VPS8: variants seen among roughly 807,000 people sequenced by gnomAD.
The protein encoded by VPS8 is VPS8 subunit of CORVET complex.
A neutral mutation model predicts 216.4 loss-of-function variants in VPS8; 129 were observed. The observed-to-expected ratio is 0.60, with a 90% CI of 0.52 to 0.69. The LOEUF (loss-of-function observed/expected upper bound fraction) is 0.69. VPS8 is among the 30% of genes least tolerant of loss of function. The pLI, the probability that VPS8 is intolerant of heterozygous loss-of-function variation, is 0.00. For synonymous variants in VPS8, 571 were observed against 565.4 expected (o/e 1.01, Z -0.14); for missense variants, 1,531 against 1,683.5 (o/e 0.91, Z 1.59).
intron 1 of VPS8, among the ~76,000 whole-genome samples, chr3:184,821,193 C>G (rs1395396251): frequency 1.3e-5 from 2 of 152,082 alleles, no homozygotes; most frequent in East Asian, 3.8e-4. Flanking sequence ...TTATAAGAGC[C>G]AGGACTCTCA....
intron 36 of VPS8, among the ~76,000 whole-genome samples, chr3:184,947,851 G>A (rs991628682): frequency 1.3e-5 from 2 of 152,098 alleles, no homozygotes; most frequent in Non-Finnish European, 2.9e-5. Context: ...ATCAAGTTGT[G>A]TAACTTTAGC....
At chr3:185,029,446 G>C (rs1207617371) in intron 46 of VPS8, among the ~76,000 whole-genome samples, 1 of 152,182 alleles carries the variant, frequency 6.6e-6, no homozygotes, top group Non-Finnish European at 1.5e-5. Flanking sequence ...TGTTCTGTAG[G>C]ACTCAGCTAA....
intron 46 of VPS8, among the ~76,000 whole-genome samples, chr3:185,041,672 C>G (rs912503283): frequency 1.3e-5 from 2 of 152,190 alleles, no homozygotes; most frequent in African/African-American, 2.4e-5. Flanking sequence ...ATTAAAAGAA[C>G]TCAGTAGGCC....
chr3:184,905,618 C>CTT (rs59430187), intron 25 of VPS8, among the ~76,000 whole-genome samples: 6 of 125,650 alleles, frequency 4.8e-5, no homozygotes, highest in Non-Finnish European at 8.6e-5. Flanking sequence ...AAGCTCAGCT[C>CTT]TTTTTTTTTT....
intron 39 of VPS8, 60 bp downstream of exon 39, chr3:184,966,773 G>A: frequency 7.8e-7 from 1 of 1,289,176 alleles, no homozygotes; most frequent in East Asian, 2.4e-5. Context: ...TTTAAAAGAT[G>A]TTTAATAAAT....
At chr3:184,877,305 A>G (rs1729440219) in intron 21 of VPS8, among the ~76,000 whole-genome samples, 1 of 152,190 alleles carries the variant, frequency 6.6e-6, no homozygotes, top group Non-Finnish European at 1.5e-5. Flanking sequence ...GACCTGTGTA[A>G]GTTTAGGAAC....
rs370365768 is a variant in VPS8, at chr3:184,843,227, A to G, written c.536-13A>G. The G allele has an allele frequency of 1.8e-5, 25 of 1,425,404 alleles. No homozygotes were observed. The African/African-American group carries it at 3.0e-4, about 17-fold the overall frequency. 88.3% of individuals were successfully genotyped at this position (1,425,404 alleles called of 1,614,324 possible). Reference sequence around the variant, plus strand: ...CTTTATCTTTCTTGATCTTTTCTTCATGGATTCAAAAGGAAAAGGTATAGT... The same window carrying G: ...CTTTATCTTTCTTGATCTTTTCTTCGTGGATTCAAAAGGAAAAGGTATAGT... On this transcript the variant is annotated splice_polypyrimidine_tract_variant and intron_variant, in intron 7 of 47. Transcript: ENST00000625842.
Position 184,958,519 on chromosome 3 carries a change from C to T in VPS8, c.3183+998C>T, listed in dbSNP as rs1183918621. ...TGGGGTGGAAGTAGGAAATGGCAAT[C>T]GGACAGATTTTCCTGGATTGCCGTT... On this transcript the variant is annotated intron_variant, in intron 37 of 47. Transcript: ENST00000625842. 3.9e-5 allele frequency among the ~76,000 whole-genome samples: 6 copies of T among 152,140 alleles called. No homozygotes were observed. In the South Asian group the frequency reaches 6.2e-4, roughly 16 times the overall value.
chr3:185,027,996 G>A (rs1411266782), intron 46 of VPS8, among the ~76,000 whole-genome samples: 1 of 152,186 alleles, frequency 6.6e-6, no homozygotes, highest in Non-Finnish European at 1.5e-5. Flanking sequence ...CACCATGGCG[G>A]TTAACAAGTC....
chr3:184,824,506 T>C (rs952538124), intron 1 of VPS8, 39 bp from the exon 2 acceptor site: 1 of 936,586 alleles, frequency 1.1e-6, no homozygotes, highest in African/African-American at 1.7e-5. Context: ...TAAATGATAG[T>C]GTTTTGTTTT....
At chr3:185,022,243 G>A (rs1201256102) in intron 45 of VPS8, among the ~76,000 whole-genome samples, 1 of 152,142 alleles carries the variant, frequency 6.6e-6, no homozygotes, top group Non-Finnish European at 1.5e-5. Context: ...GTTTCCTGAA[G>A]CCTTCCCAGC....
chr3:184,853,814 A>T, intron 11 of VPS8, 43 bp from the exon 12 acceptor site: 1 of 1,549,516 alleles, frequency 6.5e-7, no homozygotes, highest in Non-Finnish European at 8.7e-7. Context: ...AGTGCCTTGG[A>T]TCATTGCTAA....
intron 46 of VPS8, among the ~76,000 whole-genome samples, chr3:185,046,646 A>G (rs1712984212): frequency 6.6e-6 from 1 of 152,224 alleles, no homozygotes; most frequent in Non-Finnish European, 1.5e-5. Context: ...ACACAATCGC[A>G]GTAATTACTG....
intron 3 of VPS8, 83 bp downstream of exon 3, chr3:184,826,314 T>A: frequency 9.6e-7 from 1 of 1,045,792 alleles, no homozygotes; most frequent in Non-Finnish European, 1.4e-6. Context: ...TACATGCACC[T>A]AGATGCGCAC....
chr3:184,987,843 C>T (rs1035727592), intron 42 of VPS8, among the ~76,000 whole-genome samples: 5 of 152,174 alleles, frequency 3.3e-5, no homozygotes, highest in South Asian at 2.1e-4. Context: ...TTTACATTTC[C>T]GCCAGCGCTG....
intron 36 of VPS8, among the ~76,000 whole-genome samples, chr3:184,954,145 AT>A (rs1270135114): frequency 6.6e-6 from 1 of 152,174 alleles, no homozygotes; most frequent in African/African-American, 2.4e-5. Flanking sequence ...TACAAAGGAT[AT>A]AGGGGAACAG....
At chr3:184,845,868 A>G (rs1723030813) in intron 8 of VPS8, among the ~76,000 whole-genome samples, 1 of 151,664 alleles carries the variant, frequency 6.6e-6, no homozygotes, top group Admixed American at 6.5e-5. Context: ...TCTCACCATC[A>G]CTGCTGTTTT....
chr3:184,849,033 C>G (rs1025628366), intron 8 of VPS8, 38 bp from the exon 9 acceptor site: 1 of 1,608,914 alleles, frequency 6.2e-7, no homozygotes, highest in Admixed American at 1.7e-5. Context: ...TACTCTCTTG[C>G]ATTTCCTTCA....
At chr3:184,881,808 A>G (rs1416319061) in intron 21 of VPS8, among the ~76,000 whole-genome samples, 1 of 152,004 alleles carries the variant, frequency 6.6e-6, no homozygotes, top group African/African-American at 2.4e-5. Flanking sequence ...TACAGGTGCT[A>G]TACATGGTTT....
Sources: allele counts gnomAD v4.1 joint callset (sites outside exome capture counted in the v4.1 genomes callset), GRCh38; gene constraint gnomAD v4.1.1; transcripts MANE v1.5; gene names NCBI Gene and HGNC (gene_info 2026-07-23, HGNC 2026-07-21).